ENTPD3: variants seen among roughly 807,000 people sequenced by gnomAD.
ENTPD3 encodes CD39 antigen-like 3.
ENTPD3 carries 60 observed loss-of-function variants against 51.2 expected under a neutral mutation model. The ratio of observed to expected loss-of-function variants is 1.17; its 90% CI spans 0.95 to 1.45. The LOEUF (loss-of-function observed/expected upper bound fraction) is 1.45, where lower values mean the gene tolerates loss of function less well. Ranked by LOEUF, ENTPD3 falls within the 40% of genes most tolerant of loss-of-function variation. ENTPD3 has a pLI of 0.00. For synonymous variants in ENTPD3, 221 were observed against 238.4 expected (o/e 0.93, Z 0.67); for missense variants, 593 against 641.1 (o/e 0.93, Z 0.81).
At chr3:40,420,284 G>GCA (rs146622411) in intron 7 of ENTPD3, among the ~76,000 whole-genome samples, 1 of 147,914 alleles carries the variant, frequency 6.8e-6, no homozygotes, top group Non-Finnish European at 1.5e-5. Flanking sequence ...CACCCAGGCT[G>GCA]GAGTGCAGTG....
intron 10 of ENTPD3, among the ~76,000 whole-genome samples, chr3:40,425,914 T>A (rs1319070421): frequency 1.4e-4 from 20 of 144,396 alleles, no homozygotes; most frequent in Admixed American, 4.8e-4. Flanking sequence ...AAAAAAAAAA[T>A]TATATTAAAA....
chr3:40,412,213 G>A (rs1256721483), intron 5 of ENTPD3, among the ~76,000 whole-genome samples: 3 of 152,148 alleles, frequency 2.0e-5, no homozygotes, highest in Admixed American at 6.5e-5. Context: ...AAAAGAGAGA[G>A]GTCATATGAA....
At chr3:40,407,617 C>T (rs1027802951) in intron 4 of ENTPD3, among the ~76,000 whole-genome samples, 7 of 151,986 alleles carry the variant, frequency 4.6e-5, no homozygotes, top group East Asian at 1.9e-4. Context: ...AGAATACAGA[C>T]GATATCCAGC....
chr3:40,426,465 T>C (rs1353163599), intron 10 of ENTPD3, among the ~76,000 whole-genome samples: 1 of 152,012 alleles, frequency 6.6e-6, no homozygotes, highest in African/African-American at 2.4e-5. Context: ...TAGCACTAAT[T>C]GAAAATTTAA....
chr3:40,400,674 A>G (rs547245815), intron 3 of ENTPD3, among the ~76,000 whole-genome samples: 12 of 152,170 alleles, frequency 7.9e-5, no homozygotes, highest in Non-Finnish European at 1.6e-4. Context: ...TTGCAAAGTG[A>G]TAATTATTTC....
Position 40,411,931 on chromosome 3 carries a change from C to A in ENTPD3, c.406C>A (p.Leu136Met). ...CCTCCACGGATCCACCCCCATTCAC[C>A]TGGGAGCCACGGCTGGGATGCGCTT... ...SHLHGSTPIH[L>M]GATAGMRLLR... The change falls in exon 5 of 11, where the codon CTG becomes ATG. Residue 136 changes from leucine (L) to methionine (M), a missense_variant. Transcript: ENST00000301825. The A allele has an allele frequency of 6.2e-7, 1 of 1,611,502 alleles. No individual in the cohort carries two copies. The highest frequency in any genetic ancestry group is 8.5e-7 in the Non-Finnish European group (1 of 1,178,938).
rs369652645 is a variant in ENTPD3, at chr3:40,423,752, T to C, written c.1216-74T>C. On this transcript the variant is annotated intron_variant, in intron 9 of 10. Transcript: ENST00000301825. Reference sequence around the variant, plus strand: ...ATGGGTGATAAGATTCTTTAAAACATGACTTTTAACCCAAGGTGTTCATTT... The same window carrying C: ...ATGGGTGATAAGATTCTTTAAAACACGACTTTTAACCCAAGGTGTTCATTT... The C allele has an allele frequency of 3.9e-6, 6 of 1,535,510 alleles. No homozygotes were observed. In the African/African-American group the frequency reaches 6.9e-5, roughly 18 times the overall value.
Position 40,411,894 on chromosome 3 carries a change from G to A in ENTPD3, c.369G>A (p.Gln123=). Residue 123 remains glutamine, a synonymous_variant, in exon 5 of 11, where the codon CAG becomes CAA. Transcript: ENST00000301825. ...FEECMQKVKG[Q]VPSHLHGSTP... ...AGTGTATGCAAAAAGTCAAGGGGCA[G>A]GTTCCATCCCACCTCCACGGATCCA... 1 of 1,612,884 alleles carries A rather than the reference G, an allele frequency of 6.2e-7. No homozygotes were observed.
At chr3:40,394,760 AG>A (rs1955155985) in intron 3 of ENTPD3, among the ~76,000 whole-genome samples, 2 of 152,296 alleles carry the variant, frequency 1.3e-5, no homozygotes, top group African/African-American at 4.8e-5. Flanking sequence ...AAAGGTAGGG[AG>A]GATGCATGCA....
At chr3:40,402,631 T>A (rs1255299908) in intron 4 of ENTPD3, among the ~76,000 whole-genome samples, 2 of 152,212 alleles carry the variant, frequency 1.3e-5, no homozygotes, top group Non-Finnish European at 2.9e-5. Context: ...ATTATTATCA[T>A]ATTATTGCTA....
At chr3:40,414,572 C>A in intron 5 of ENTPD3, 109 bp from the exon 6 acceptor site, 3 of 1,205,244 alleles carry the variant, frequency 2.5e-6, no homozygotes, top group Non-Finnish European at 3.5e-6. Flanking sequence ...ATCATTCATC[C>A]CCACCAGCAG....
At chr3:40,412,822 T>C (rs972908633) in intron 5 of ENTPD3, among the ~76,000 whole-genome samples, 3 of 152,222 alleles carry the variant, frequency 2.0e-5, no homozygotes, top group African/African-American at 7.2e-5. Flanking sequence ...CTTTTCCTTA[T>C]AGTCTCATAA....
At chr3:40,426,963 C>G (rs1255291054) in intron 10 of ENTPD3, among the ~76,000 whole-genome samples, 2 of 152,194 alleles carry the variant, frequency 1.3e-5, no homozygotes, top group South Asian at 2.1e-4. Context: ...TTTCTCTAGC[C>G]ACAAACACTC....
intron 1 of ENTPD3, 117 bp from the exon 2 acceptor site, chr3:40,387,929 G>C: frequency 1.3e-6 from 1 of 766,364 alleles, no homozygotes; most frequent in South Asian, 1.7e-5. Flanking sequence ...CCTTTCCCGG[G>C]ATGAGGTTTT....
At position 40,392,155 on chromosome 3, in the gene ENTPD3, G is replaced by C. The variant is rs749645534; in HGVS notation, c.168+5G>C. On this transcript the variant is annotated splice_donor_5th_base_variant and intron_variant, in intron 3 of 10. Transcript: ENST00000301825. ...GTCCTCCCTCCAGGACTGAAGGTAAGTGTGAAGGGACTGGCAACAAAGGGA... is the reference window on the plus strand; with the variant it reads ...GTCCTCCCTCCAGGACTGAAGGTAACTGTGAAGGGACTGGCAACAAAGGGA... 1 of 1,613,616 alleles carries C rather than the reference G, an allele frequency of 6.2e-7. No homozygotes were observed. Among genetic ancestry groups the C allele is most frequent in the South Asian group, 1.1e-5 (1 of 90,906 alleles).
At chr3:40,422,722 G>A in intron 7 of ENTPD3, 128 bp from the exon 8 acceptor site, 1 of 717,124 alleles carries the variant, frequency 1.4e-6, no homozygotes, top group Non-Finnish European at 2.3e-6. Flanking sequence ...ATTCCATGGT[G>A]TATATGTGCC....
At chr3:40,410,334 C>T (rs1034545592) in intron 4 of ENTPD3, among the ~76,000 whole-genome samples, 3 of 151,456 alleles carry the variant, frequency 2.0e-5, no homozygotes, top group Admixed American at 6.6e-5. Context: ...CCAGCTACTT[C>T]GGAGGCTGAG....
chr3:40,388,275 T>C (rs1051716539), intron 2 of ENTPD3, among the ~76,000 whole-genome samples, 178 bp downstream of exon 2: 2 of 152,170 alleles, frequency 1.3e-5, no homozygotes, highest in Non-Finnish European at 2.9e-5. Context: ...GTAATGCTTT[T>C]CATCAAAGCC....
At chr3:40,422,043 G>A (rs1357830107) in intron 7 of ENTPD3, among the ~76,000 whole-genome samples, 1 of 151,978 alleles carries the variant, frequency 6.6e-6, no homozygotes, top group East Asian at 1.9e-4. Context: ...ACCAAGTGAA[G>A]TTCATAAAAC....
Sources: allele counts gnomAD v4.1 joint callset (sites outside exome capture counted in the v4.1 genomes callset), GRCh38; gene constraint gnomAD v4.1.1; transcripts MANE v1.5; gene names NCBI Gene and HGNC (gene_info 2026-07-23, HGNC 2026-07-21).